The following CDH22 variants were observed in gnomAD, a reference collection of about 807,000 sequenced individuals.
CDH22 encodes the protein cadherin 22.
CDH22 carries 30 observed loss-of-function variants against 58.4 expected under a neutral mutation model. The ratio of observed to expected loss-of-function variants is 0.51; its 90% CI spans 0.38 to 0.70. The LOEUF (loss-of-function observed/expected upper bound fraction) is 0.70. Among genes scored for constraint, CDH22 ranks in the 30% least tolerant of loss-of-function variants. The pLI, the probability that CDH22 is intolerant of heterozygous loss-of-function variation, is 0.00. For synonymous variants in CDH22, 513 were observed against 558.2 expected, an observed-to-expected ratio of 0.92 and a Z score of 1.14; for missense variants, 1,014 against 1,233.9, an observed-to-expected ratio of 0.82 and a Z score of 2.67.
chr20:46,308,391 AG>A lies in CDH22; in HGVS notation c.-537del. ...GAGCCGGAGGGAGAGCGGGAGCGAGAGGGGGAGCCGCGGCGGCGTGTGCGCG... is the reference window on the plus strand; with the variant it reads ...GAGCCGGAGGGAGAGCGGGAGCGAGAGGGGAGCCGCGGCGGCGTGTGCGCG... On this transcript the variant is annotated 5_prime_UTR_variant, in exon 1 of 12. Coordinates refer to ENST00000537909, the MANE Select transcript of CDH22 (RefSeq NM_021248.3). This position sits in a 1 kb window ranked among gnomAD's most constrained non-coding sequence, Gnocchi z 4.3. 1 of 198,138 alleles carries A rather than the reference AG, an allele frequency of 5.0e-6. No homozygotes were observed. Among genetic ancestry groups the A allele is most frequent in the Non-Finnish European group, 1.0e-5 (1 of 96,694 alleles). 12.3% of individuals were successfully genotyped at this position (198,138 alleles called of 1,614,324 possible). A position where few individuals can be genotyped will look rare whatever the true frequency, so the allele number is the denominator to read the frequency against.
At chr20:46,178,959 T>C (rs950807966) in intron 10 of CDH22, among the ~76,000 whole-genome samples, 1 of 152,080 alleles carries the variant, frequency 6.6e-6, no homozygotes, top group African/African-American at 2.4e-5. Flanking sequence ...GAGAGGACAG[T>C]GAACAAACAC....
At chr20:46,236,442 T>C (rs1418302267) in intron 3 of CDH22, among the ~76,000 whole-genome samples, 1 of 148,520 alleles carries the variant, frequency 6.7e-6, no homozygotes, top group Non-Finnish European at 1.5e-5. Context: ...TTATTCTGCA[T>C]AGCACTCACA....
chr20:46,279,046 C>T (rs2086535619), intron 1 of CDH22, among the ~76,000 whole-genome samples: 1 of 152,170 alleles, frequency 6.6e-6, no homozygotes, highest in East Asian at 1.9e-4. Flanking sequence ...ACTGTTCCAA[C>T]CCAGCTATGT....
At chr20:46,243,479 G>C (rs977341073) in intron 2 of CDH22, among the ~76,000 whole-genome samples, 1 of 152,176 alleles carries the variant, frequency 6.6e-6, no homozygotes, top group South Asian at 2.1e-4. Context: ...GCTCCACTGA[G>C]AAGCCTTCTT....
intron 1 of CDH22, among the ~76,000 whole-genome samples, chr20:46,260,320 T>A (rs2086427129): frequency 6.6e-6 from 1 of 152,202 alleles, no homozygotes; most frequent in South Asian, 2.1e-4. Context: ...TCCTTGGAGA[T>A]GTTGTGGAAC....
intron 1 of CDH22, among the ~76,000 whole-genome samples, chr20:46,266,131 G>C (rs1205903667): frequency 1.3e-5 from 2 of 152,184 alleles, no homozygotes; most frequent in Non-Finnish European, 2.9e-5. Context: ...CTGTTTTAGA[G>C]GATTCCTGGG....
intron 8 of CDH22, among the ~76,000 whole-genome samples, chr20:46,191,678 T>C (rs998963365): frequency 4.6e-5 from 7 of 152,302 alleles, no homozygotes; most frequent in South Asian, 2.1e-4. Flanking sequence ...CAAAGTCTCA[T>C]AGGAGCTGGG....
chr20:46,269,051 T>C (rs1249533494), intron 1 of CDH22, among the ~76,000 whole-genome samples: 1 of 152,238 alleles, frequency 6.6e-6, no homozygotes, highest in African/African-American at 2.4e-5. Flanking sequence ...TTAGACATAG[T>C]TGCCAAATAA....
At chr20:46,255,855 G>A (rs960039191) in intron 1 of CDH22, among the ~76,000 whole-genome samples, 5 of 152,176 alleles carry the variant, frequency 3.3e-5, no homozygotes, top group South Asian at 2.1e-4. Context: ...TCCTGGGACC[G>A]CCTCCCATGA....
intron 10 of CDH22, among the ~76,000 whole-genome samples, chr20:46,185,104 A>AC (rs3092470): frequency 5.3e-5 from 7 of 131,704 alleles, no homozygotes; most frequent in Non-Finnish European, 6.7e-5. Flanking sequence ...AAACAAACAA[A>AC]AAACAACAAA....
At chr20:46,226,729 A>C (rs1185133075) in intron 4 of CDH22, among the ~76,000 whole-genome samples, 1 of 152,024 alleles carries the variant, frequency 6.6e-6, no homozygotes, top group East Asian at 1.9e-4. Flanking sequence ...CTGACATCTC[A>C]TTCCCCGCCT....
In CDH22 at chr20:46,174,832, G is replaced by T; in HGVS notation, c.2161C>A (p.Pro721Thr). 1 of 1,390,028 alleles carries T rather than the reference G, an allele frequency of 7.2e-7. No homozygotes were observed. The allele number at this position is 1,390,028 out of a possible 1,614,324, so 86.1% of individuals were successfully genotyped here. A position where few individuals can be genotyped will look rare whatever the true frequency, so the allele number is the denominator to read the frequency against. Residue 721 changes from proline (P) to threonine (T), a missense_variant, in exon 12 of 12, where the codon CCC becomes ACC. By Grantham distance (38) the Pro-to-Thr change is conservative (BLOSUM62 -1). Transcript: ENST00000537909. This position sits in a 1 kb window ranked among gnomAD's most constrained non-coding sequence, Gnocchi z 4.4. ...TCGGAGGGCAGGTGGGCCTGCGGGG[G>T]GCTGCCCGCGCCCCCGCCCGAGCCC... ...GGGSGGGAGS[P>T]PQAHLPSERH... is the part of the protein sequence containing the mutation.
intron 3 of CDH22, among the ~76,000 whole-genome samples, chr20:46,229,329 C>G (rs1326125733): frequency 7.1e-6 from 1 of 140,260 alleles, no homozygotes; most frequent in Non-Finnish European, 1.5e-5. Flanking sequence ...TCAAGTCAGA[C>G]AGGGGAAAAG....
intron 10 of CDH22, among the ~76,000 whole-genome samples, chr20:46,185,481 C>T (rs1416230814): frequency 6.6e-6 from 1 of 152,126 alleles, no homozygotes; most frequent in Non-Finnish European, 1.5e-5. Context: ...CTGGGCAGGA[C>T]TCTTTCTCTC....
intron 1 of CDH22, among the ~76,000 whole-genome samples, chr20:46,256,288 G>C (rs961320345): frequency 1.3e-5 from 2 of 152,190 alleles, no homozygotes; most frequent in Non-Finnish European, 2.9e-5. Flanking sequence ...CAGAGTAAGG[G>C]GCAGGAAGTT....
rs563201022 is a variant in CDH22 at position 46,210,579 on chromosome 20, G to C, written c.1033-19C>G. The C allele has an allele frequency of 2.1e-6, 3 of 1,425,288 alleles. No homozygotes were observed. 88.3% of individuals were successfully genotyped at this position (1,425,288 alleles called of 1,614,324 possible). Reference sequence around the variant, plus strand: ...CCAGGCGCTGCGGGAGGGAGCAGAGGGCCGGTTAGTGGGTGGGGTCTGGTG... The same window carrying C: ...CCAGGCGCTGCGGGAGGGAGCAGAGCGCCGGTTAGTGGGTGGGGTCTGGTG... On this transcript the variant is annotated intron_variant, in intron 6 of 11. Transcript: ENST00000537909. This position sits in a 1 kb window ranked among gnomAD's most constrained non-coding sequence, Gnocchi z 4.5.
intron 8 of CDH22, among the ~76,000 whole-genome samples, chr20:46,195,628 C>T (rs2085894547): frequency 6.6e-6 from 1 of 151,422 alleles, no homozygotes; most frequent in South Asian, 2.1e-4. Flanking sequence ...CCCCCCCACC[C>T]AGTCTCTTTG....
At chr20:46,176,084 A>T (rs2085736320) in intron 11 of CDH22, among the ~76,000 whole-genome samples, 1 of 151,724 alleles carries the variant, frequency 6.6e-6, no homozygotes, top group Non-Finnish European at 1.5e-5. Context: ...TCCTCCTCCC[A>T]CCTCACTGAT....
At chr20:46,230,887 A>T in intron 3 of CDH22, among the ~76,000 whole-genome samples, 1 of 152,216 alleles carries the variant, frequency 6.6e-6, no homozygotes, top group East Asian at 1.9e-4. Flanking sequence ...CTGGTGCAGG[A>T]GAGAGGCAGG....
Sources: allele counts gnomAD v4.1 joint callset (sites outside exome capture counted in the v4.1 genomes callset), GRCh38; gene constraint gnomAD v4.1.1; non-coding constraint Gnocchi (gnomAD v3.1); transcripts MANE v1.5; gene names NCBI Gene and HGNC (gene_info 2026-07-23, HGNC 2026-07-21).